C1orf94: variants seen among roughly 807,000 people sequenced by gnomAD.
The protein encoded by C1orf94 is chromosome 1 open reading frame 94, also known as uncharacterized protein C1orf94.
In C1orf94, 45 loss-of-function variants were observed where a neutral mutation model predicts 53.6. That is an observed-to-expected ratio of 0.84 (90% CI 0.66 to 1.08). The LOEUF is 1.08. Among genes scored for constraint, C1orf94 ranks in the 50% least tolerant of loss-of-function variants. The pLI is 0.00. For missense variants in C1orf94, 762 were observed against 738.9 expected (o/e 1.03, Z -0.36); for synonymous variants, 304 against 296.1 (o/e 1.03, Z -0.27).
chr1:34,207,001 G>T (rs1463775837), intron 4 of C1orf94, among the ~76,000 whole-genome samples: 1 of 152,168 alleles, frequency 6.6e-6, no homozygotes, highest in Admixed American at 6.5e-5. Context: ...AGACCTACTT[G>T]CAGACTCCAT....
intron 1 of C1orf94, among the ~76,000 whole-genome samples, chr1:34,188,449 T>C (rs1436550414): frequency 6.6e-6 from 1 of 152,174 alleles, no homozygotes; most frequent in Non-Finnish European, 1.5e-5. Context: ...CTGAGAGATT[T>C]CACGGTGTTG....
Position 34,177,648 on chromosome 1 carries a change from C to A in C1orf94, c.-142C>A. 1.5e-6 allele frequency: 1 copy of A among 683,738 alleles called. No individual in the cohort carries two copies. Among genetic ancestry groups the A allele is most frequent in the South Asian group, 2.4e-5 (1 of 40,912 alleles). The allele number at this position is 683,738 out of a possible 1,614,324, so 42.4% of individuals were successfully genotyped here. ...TAAAAACAAATCAAAATAAGCCCTCCCCTCCCCAAAAGAAAGCTGTCCTCC... is the reference window on the plus strand; with the variant it reads ...TAAAAACAAATCAAAATAAGCCCTCACCTCCCCAAAAGAAAGCTGTCCTCC... On this transcript the variant is annotated 5_prime_UTR_variant, in exon 1 of 7. Coordinates refer to ENST00000488417, the MANE Select transcript of C1orf94 (RefSeq NM_001134734.2).
chr1:34,186,804 T>C (rs1482244891), intron 1 of C1orf94, among the ~76,000 whole-genome samples: 7 of 152,192 alleles, frequency 4.6e-5, no homozygotes, highest in African/African-American at 7.2e-5. Flanking sequence ...CTGGCACATA[T>C]CGTGTGCTGC....
chr1:34,171,107 A>C (rs1254738322), intron 1 of C1orf94, among the ~76,000 whole-genome samples: 1 of 151,926 alleles, frequency 6.6e-6, no homozygotes, highest in Admixed American at 6.6e-5. Context: ...ACAGAGTAAA[A>C]TCCAAGCTCC....
chr1:34,215,013 C>T (rs775957991), intron 6 of C1orf94, among the ~76,000 whole-genome samples: 14 of 151,708 alleles, frequency 9.2e-5, no homozygotes, highest in East Asian at 3.9e-4. Flanking sequence ...ATGAAGTGAA[C>T]GAAAAAAAGG....
chr1:34,207,467 C>G (rs705208), intron 4 of C1orf94, among the ~76,000 whole-genome samples: 5,841 of 152,238 alleles, frequency 0.038, 279 homozygotes, highest in African/African-American at 0.11. Flanking sequence ...GGGCACTGTT[C>G]TAAGCTCTTT....
intron 1 of C1orf94, among the ~76,000 whole-genome samples, chr1:34,185,641 C>A (rs1642373902): frequency 6.6e-6 from 1 of 152,194 alleles, no homozygotes; most frequent in East Asian, 1.9e-4. Context: ...TCATGATGGC[C>A]TTTGGTGCCT....
At chr1:34,196,291 G>A (rs1642578535) in intron 1 of C1orf94, among the ~76,000 whole-genome samples, 1 of 152,188 alleles carries the variant, frequency 6.6e-6, no homozygotes, top group Non-Finnish European at 1.5e-5. Flanking sequence ...TATCAGACAG[G>A]TGCAGACCAG....
chr1:34,195,995 T>C (rs1642572843), intron 1 of C1orf94, among the ~76,000 whole-genome samples: 1 of 152,336 alleles, frequency 6.6e-6, no homozygotes, highest in East Asian at 1.9e-4. Flanking sequence ...CTTGATTTTT[T>C]CCCTTGGGTC....
At chr1:34,175,733 C>T (rs1038935202), upstream of C1orf94, among the ~76,000 whole-genome samples, 72 of 151,998 alleles carry the variant, frequency 4.7e-4, no homozygotes, top group African/African-American at 1.7e-3. Flanking sequence ...GAAACATGAT[C>T]CTCATAATTT....
chr1:34,201,611 T>G (rs1642708254), intron 3 of C1orf94, among the ~76,000 whole-genome samples: 1 of 152,226 alleles, frequency 6.6e-6, no homozygotes, highest in African/African-American at 2.4e-5. Flanking sequence ...AATTCCCATA[T>G]AGATACAACA....
intron 1 of C1orf94, among the ~76,000 whole-genome samples, chr1:34,171,602 G>A (rs956032607): frequency 6.6e-6 from 1 of 152,186 alleles, no homozygotes; most frequent in African/African-American, 2.4e-5. Flanking sequence ...ATGTTATGCT[G>A]TCTTCAGAGA....
In C1orf94 at chr1:34,197,849, A is replaced by G. The variant is rs1642627373; in HGVS notation, c.945A>G (p.Pro315=). The G allele has an allele frequency of 6.2e-7, 1 of 1,614,176 alleles. No homozygotes were observed. Among genetic ancestry groups the G allele is most frequent in the African/African-American group, 1.3e-5 (1 of 75,050 alleles). ...PELPAQKRQL[P]VFAKICSKPK... ...TCCCTGCTCAGAAGAGGCAGCTCCC[A>G]GTGTTTGCCAAGATCTGTTCCAAGC... The change falls in exon 2 of 7, where the codon CCA becomes CCG. Residue 315 remains proline (P), a synonymous_variant. Transcript: ENST00000488417. This position sits in a 1 kb window ranked among gnomAD's most constrained non-coding sequence, Gnocchi z 4.1.
At position 34,197,523 on chromosome 1, in the gene C1orf94, G is replaced by A. The variant is rs367654533; in HGVS notation, c.619G>A (p.Val207Ile). The change falls in exon 2 of 7, where the codon GTC becomes ATC. Residue 207 changes from valine to isoleucine, a missense_variant. Val to Ile is a conservative substitution (Grantham distance 29). Coordinates refer to ENST00000488417, the MANE Select transcript of C1orf94 (RefSeq NM_001134734.2). This position sits in a 1 kb window ranked among gnomAD's most constrained non-coding sequence, Gnocchi z 4.1. ...GGACTGTGATTCTGCCACTTCTACT[G>A]TCACAGACATTCTGTGTGCCGCCGA... ...RQDCDSATSTVTDILCAAEVK... is the reference protein window; with the variant it reads ...RQDCDSATSTITDILCAAEVK... The A allele has an allele frequency of 1.9e-5, 31 of 1,614,114 alleles. No homozygotes were observed. Among genetic ancestry groups the A allele is most frequent in the Non-Finnish European group, 2.6e-5 (31 of 1,180,022 alleles).
rs899817200 is a variant in C1orf94 at position 34,188,657 on chromosome 1, C to A, written c.321-8568C>A. Among the ~76,000 whole-genome samples the A allele has an allele frequency of 3.3e-5, 5 of 152,142 alleles. No individual in the cohort carries two copies. The East Asian group carries it at 9.6e-4, about 29-fold the overall frequency. ...GTCAGAGCTGCTAACATTTGCATAGCGCTCGTTACAATTTACCGAGTGCTT... is the reference window on the plus strand; with the variant it reads ...GTCAGAGCTGCTAACATTTGCATAGAGCTCGTTACAATTTACCGAGTGCTT... On this transcript the variant is annotated intron_variant, in intron 1 of 6. Transcript: ENST00000488417.
At chr1:34,208,462 G>A (rs887099646) in intron 5 of C1orf94, among the ~76,000 whole-genome samples, 7 of 152,214 alleles carry the variant, frequency 4.6e-5, no homozygotes, top group Non-Finnish European at 8.8e-5. Flanking sequence ...GGGCCTGTCC[G>A]TAAGGACTGT....
rs776657242 is a variant in C1orf94 at position 34,202,193 on chromosome 1, C to A, written c.1380C>A (p.Leu460=). Reference sequence around the variant, plus strand: ...CCTCAGCAACCCTGAACCAGCCACTCTGGCTCAACCTGAACTATCCACCTC... The same window carrying A: ...CCTCAGCAACCCTGAACCAGCCACTATGGCTCAACCTGAACTATCCACCTC... ...AMTSATLNQP[L]WLNLNYPPPP... The change falls in exon 4 of 7, where the codon CTC becomes CTA. Residue 460 remains leucine (L), a synonymous_variant. Coordinates refer to ENST00000488417, the MANE Select transcript of C1orf94 (RefSeq NM_001134734.2). 6.2e-7 allele frequency: 1 copy of A among 1,614,142 alleles called. No homozygotes were observed. The highest frequency in any genetic ancestry group is 8.5e-7 in the Non-Finnish European group (1 of 1,180,062).
chr1:34,196,385 A>G (rs1470170961), intron 1 of C1orf94, among the ~76,000 whole-genome samples: 2 of 152,166 alleles, frequency 1.3e-5, no homozygotes, highest in African/African-American at 4.8e-5. Flanking sequence ...GAATCAGTGC[A>G]GGGATCAGTG....
intron 6 of C1orf94, 139 bp downstream of exon 6, chr1:34,212,545 G>C (rs755275497): frequency 1.2e-5 from 11 of 911,788 alleles, no homozygotes; most frequent in African/African-American, 1.7e-5. Context: ...ACCTGTGGCT[G>C]GTGGTTGTGT....
Sources: gnomAD v4.1 joint callset for allele counts (sites outside exome capture counted in the v4.1 genomes callset) on GRCh38, gnomAD v4.1.1 for gene constraint, Gnocchi (gnomAD v3.1) non-coding constraint, MANE v1.5 for transcripts, NCBI Gene and HGNC (gene_info 2026-07-23, HGNC 2026-07-21) for gene names.